The following SCN8A variants were observed in gnomAD, a reference collection of about 807,000 sequenced individuals.
The protein encoded by SCN8A is sodium channel protein type 8 subunit alpha.
A neutral mutation model predicts 184.1 loss-of-function variants in SCN8A; 30 were observed. The observed-to-expected ratio is 0.16, with a 90% confidence interval of 0.12 to 0.22. The LOEUF is 0.22. SCN8A is among the 10% of genes least tolerant of loss of function. SCN8A has a pLI of 1.00. For synonymous variants in SCN8A, 852 were observed against 907.0 expected, an observed-to-expected ratio of 0.94 and a Z score of 1.09; for missense variants, 1,057 against 2,498.9, an observed-to-expected ratio of 0.42 and a Z score of 12.30.
intron 2 of SCN8A, among the ~76,000 whole-genome samples, chr12:51,666,824 G>T (rs1009464929): frequency 1.3e-5 from 2 of 152,162 alleles, no homozygotes; most frequent in African/African-American, 4.8e-5. Context: ...ACGTTTTCGA[G>T]ATACTGTTAT....
chr12:51,625,440 A>G (rs898327456), intron 1 of SCN8A, among the ~76,000 whole-genome samples: 30 of 152,302 alleles, frequency 2.0e-4, no homozygotes, highest in African/African-American at 6.5e-4. Flanking sequence ...TGTTGCTTCC[A>G]GTTTTGGATG....
chr12:51,719,730 T>C (rs1942017690), intron 11 of SCN8A, among the ~76,000 whole-genome samples: 1 of 148,504 alleles, frequency 6.7e-6, no homozygotes, highest in Admixed American at 6.8e-5. Flanking sequence ...CTAGGGAATA[T>C]GGAAAGGAAG....
intron 5 of SCN8A, among the ~76,000 whole-genome samples, chr12:51,687,680 A>ACATG (rs1941441267): frequency 6.6e-6 from 1 of 152,176 alleles, no homozygotes; most frequent in South Asian, 2.1e-4. Context: ...TAGAGTCAAA[A>ACATG]CATGAGCCAA....
Position 51,721,632 on chromosome 12 carries a change from C to T in SCN8A, c.1722C>T (p.Phe574=), listed in dbSNP as rs1346633233. The part of the protein sequence containing the change: ...SIFSFRGPGR[F]RDPGSENEFA... ...TCAGTTTCAGGGGACCTGGGCGGTT[C>T]CGAGACCCGGGCTCCGAGAATGAGT... Residue 574 remains phenylalanine, a synonymous_variant, in exon 12 of 27, where the codon TTC becomes TTT. Transcript: ENST00000627620. 6.2e-7 allele frequency: 1 copy of T among 1,612,654 alleles called. No homozygotes were observed.
intron 12 of SCN8A, among the ~76,000 whole-genome samples, chr12:51,739,070 T>A: frequency 6.6e-6 from 1 of 152,210 alleles, no homozygotes; most frequent in East Asian, 1.9e-4. Flanking sequence ...TTCCTTTTTT[T>A]ATATGTTGGA....
intron 7 of SCN8A, among the ~76,000 whole-genome samples, chr12:51,700,820 G>A (rs1419873327): frequency 6.6e-6 from 1 of 152,052 alleles, no homozygotes; most frequent in African/African-American, 2.4e-5. Flanking sequence ...GGTATAAAGG[G>A]GTGTACAACT....
At chr12:51,724,407 A>G (rs1224901297) in intron 12 of SCN8A, among the ~76,000 whole-genome samples, 3 of 152,224 alleles carry the variant, frequency 2.0e-5, no homozygotes, top group Admixed American at 6.5e-5. Flanking sequence ...AGATTGCGCC[A>G]TTGCACTCCA....
chr12:51,662,318 G>A (rs1305602661), intron 1 of SCN8A, among the ~76,000 whole-genome samples: 1 of 152,188 alleles, frequency 6.6e-6, no homozygotes, highest in African/African-American at 2.4e-5. Context: ...TGAGAAGAAT[G>A]ACAATTTATC....
intron 14 of SCN8A, among the ~76,000 whole-genome samples, chr12:51,755,174 G>A (rs189613178): frequency 3.0e-4 from 45 of 152,342 alleles, no homozygotes; most frequent in Non-Finnish European, 5.7e-4. Context: ...GACATTAAGT[G>A]AGGACTTACT....
intron 2 of SCN8A, 70 bp from the exon 3 acceptor site, chr12:51,684,104 A>G: frequency 2.4e-6 from 2 of 828,204 alleles, no homozygotes; most frequent in Admixed American, 3.6e-5. Context: ...TTCCTTACCT[A>G]GAAATCATTG....
intron 25 of SCN8A, 97 bp downstream of exon 25, chr12:51,790,599 C>T: frequency 1.3e-6 from 1 of 758,754 alleles, no homozygotes; most frequent in Non-Finnish European, 2.2e-6. Flanking sequence ...AAGTGATTGG[C>T]TGCTTTGTGC....
intron 1 of SCN8A, among the ~76,000 whole-genome samples, chr12:51,623,408 A>C (rs1374981399): frequency 6.6e-6 from 1 of 151,778 alleles, no homozygotes; most frequent in African/African-American, 2.4e-5. Flanking sequence ...TCTGCATTTC[A>C]CTCTCTGGCA....
chr12:51,657,075 C>T (rs1401091514), intron 1 of SCN8A, among the ~76,000 whole-genome samples: 3 of 151,920 alleles, frequency 2.0e-5, no homozygotes, highest in South Asian at 4.1e-4. Flanking sequence ...TCATAGTAGT[C>T]GAAAGGTAGA....
At chr12:51,673,679 A>G (rs1243935602) in intron 2 of SCN8A, among the ~76,000 whole-genome samples, 1 of 152,234 alleles carries the variant, frequency 6.6e-6, no homozygotes, top group Non-Finnish European at 1.5e-5. Flanking sequence ...CTTGTGCCAG[A>G]TAGGCATCAC....
In SCN8A at chr12:51,688,971, C is replaced by T. The variant is rs576172040; in HGVS notation, c.615-34C>T. The T allele has an allele frequency of 3.6e-5, 58 of 1,593,748 alleles. No homozygotes were observed. The Middle Eastern group carries it at 8.3e-4, about 23-fold the overall frequency. On this transcript the variant is annotated intron_variant, in intron 5 of 26. Transcript: ENST00000627620. ...TGTTTGTGTTTGTGTCTGTGTTTGT[C>T]ACTTGTGTCTGTGTGTGACCTCCCT...
At chr12:51,753,293 G>C (rs940026622) in intron 14 of SCN8A, among the ~76,000 whole-genome samples, 1 of 152,164 alleles carries the variant, frequency 6.6e-6, no homozygotes, top group Non-Finnish European at 1.5e-5. Context: ...AGTGGGGAGG[G>C]AGCTTAGTAT....
intron 1 of SCN8A, among the ~76,000 whole-genome samples, chr12:51,648,586 T>C (rs1446364848): frequency 6.6e-6 from 1 of 152,106 alleles, no homozygotes; most frequent in Non-Finnish European, 1.5e-5. Context: ...AATTCTTACA[T>C]GGCAGCAGCA....
chr12:51,806,231 A>C lies in SCN8A; in HGVS notation c.4796-51A>C. 6.8e-7 allele frequency: 1 copy of C among 1,470,844 alleles called. No homozygotes were observed. Among genetic ancestry groups the C allele is most frequent in the South Asian group, 1.5e-5 (1 of 65,054 alleles). The allele number at this position is 1,470,844 out of a possible 1,614,324, so 91.1% of individuals were successfully genotyped here. ...AATGCCAGGTAAAAAAAATAAAGAG[A>C]AAGGGTGTCTCCCATCTCAATAACA... On this transcript the variant is annotated intron_variant, in intron 26 of 26. Coordinates refer to ENST00000627620, the MANE Select transcript of SCN8A (RefSeq NM_001330260.2). This position sits in a 1 kb window ranked among gnomAD's most constrained non-coding sequence, Gnocchi z 8.7.
intron 3 of SCN8A, among the ~76,000 whole-genome samples, chr12:51,685,974 G>A (rs973158766): frequency 2.0e-5 from 3 of 152,160 alleles, no homozygotes; most frequent in Non-Finnish European, 2.9e-5. Flanking sequence ...TGAATACCTA[G>A]TCATATAGAT....
Sources: gnomAD v4.1 joint callset for allele counts (sites outside exome capture counted in the v4.1 genomes callset) on GRCh38, gnomAD v4.1.1 for gene constraint, Gnocchi (gnomAD v3.1) non-coding constraint, MANE v1.5 for transcripts, NCBI Gene and HGNC (gene_info 2026-07-23, HGNC 2026-07-21) for gene names.